The following MCC variants were observed in gnomAD, a reference collection of about 807,000 sequenced individuals.
The protein encoded by MCC is colorectal mutant cancer protein.
A neutral mutation model predicts 116.2 loss-of-function variants in MCC; 90 were observed. The observed-to-expected ratio is 0.77, with a 90% CI of 0.65 to 0.92. The LOEUF (loss-of-function observed/expected upper bound fraction) is 0.92. MCC is among the 40% of genes least tolerant of loss of function. MCC has a pLI of 0.00. For synonymous variants in MCC, 578 were observed against 510.5 expected, an observed-to-expected ratio of 1.13 and a Z score of -1.78; for missense variants, 1,516 against 1,312.2, an observed-to-expected ratio of 1.16 and a Z score of -2.40.
At chr5:113,433,032 A>T (rs1770708605) in intron 1 of MCC, 1 of 152,234 alleles carries the variant, frequency 6.6e-6, no homozygotes, top group South Asian at 2.1e-4. Flanking sequence ...TCCAGTTGCC[A>T]TGCTACTCCT....
At chr5:113,487,583 C>G (rs1457591467) in intron 1 of MCC, among the ~76,000 whole-genome samples, 1 of 152,150 alleles carries the variant, frequency 6.6e-6, no homozygotes, top group African/African-American at 2.4e-5. Flanking sequence ...GGAGCCACGC[C>G]GAAGCTCACC....
intron 3 of MCC, among the ~76,000 whole-genome samples, chr5:113,168,897 G>C (rs919439374): frequency 2.0e-5 from 3 of 152,132 alleles, no homozygotes; most frequent in African/African-American, 7.2e-5. Flanking sequence ...GCAAGCAATA[G>C]CTTAGGCAGG....
In MCC at chr5:113,063,969, A is replaced by G; in HGVS notation, c.2213+15T>C. 6.2e-7 allele frequency: 1 copy of G among 1,606,382 alleles called. No individual in the cohort carries two copies. The highest frequency in any genetic ancestry group is 8.5e-7 in the Non-Finnish European group (1 of 1,176,266). On this transcript the variant is annotated intron_variant, in intron 14 of 18. Transcript: ENST00000408903. ...TGGACACACGCCCACCCCAGAGCAGAAGGCTGAGCATTACCTGGTGTGGCT... is the reference window on the plus strand; with the variant it reads ...TGGACACACGCCCACCCCAGAGCAGGAGGCTGAGCATTACCTGGTGTGGCT...
At chr5:113,228,336 C>A (rs1763822272) in intron 3 of MCC, among the ~76,000 whole-genome samples, 2 of 152,330 alleles carry the variant, frequency 1.3e-5, no homozygotes, top group African/African-American at 4.8e-5. Flanking sequence ...ACCATACACA[C>A]ACACACACCA....
At chr5:113,473,354 T>C (rs866612491) in intron 1 of MCC, among the ~76,000 whole-genome samples, 7 of 151,880 alleles carry the variant, frequency 4.6e-5, no homozygotes, top group South Asian at 4.1e-4. Context: ...TAAGACCCCA[T>C]CTCTAGAAAA....
chr5:113,418,778 A>C (rs1308083779), intron 1 of MCC, among the ~76,000 whole-genome samples: 1 of 152,170 alleles, frequency 6.6e-6, no homozygotes, highest in Non-Finnish European at 1.5e-5. Context: ...AACGTATATG[A>C]ATCTATTACC....
At chr5:113,321,542 G>C (rs1767422489) in intron 3 of MCC, among the ~76,000 whole-genome samples, 1 of 152,220 alleles carries the variant, frequency 6.6e-6, no homozygotes, top group African/African-American at 2.4e-5. Context: ...GTGATGTTCT[G>C]TAGTTAAAAC....
chr5:113,304,410 C>T (rs1163497101), intron 3 of MCC, among the ~76,000 whole-genome samples: 2 of 152,226 alleles, frequency 1.3e-5, no homozygotes, highest in South Asian at 2.1e-4. Flanking sequence ...AAAGCACCCC[C>T]GTGGTGTTTG....
At position 113,024,251 on chromosome 5, in the gene MCC, C is replaced by T. The variant is rs1037597900; in HGVS notation, c.*3051G>A. ...TGCTAGTTAAACATAACATTTGTTT[C>T]AGGCAGCATGGATATTAACTTCAGA... On this transcript the variant is annotated 3_prime_UTR_variant, in exon 19 of 19. Transcript: ENST00000408903. 1 of 152,218 alleles carries T rather than the reference C, an allele frequency of 6.6e-6. No homozygotes were observed. Among genetic ancestry groups the T allele is most frequent in the Non-Finnish European group, 1.5e-5 (1 of 68,034 alleles). 9.4% of individuals were successfully genotyped at this position (152,218 alleles called of 1,614,324 possible). A position where few individuals can be genotyped will look rare whatever the true frequency, so the allele number is the denominator to read the frequency against.
chr5:113,306,077 T>A (rs1766978078), intron 3 of MCC, among the ~76,000 whole-genome samples: 2 of 152,250 alleles, frequency 1.3e-5, no homozygotes, highest in Admixed American at 6.5e-5. Flanking sequence ...TGTATATGTA[T>A]TAATGGTTCA....
chr5:113,081,058 T>C (rs1253848327), intron 11 of MCC, among the ~76,000 whole-genome samples: 1 of 152,170 alleles, frequency 6.6e-6, no homozygotes, highest in Non-Finnish European at 1.5e-5. Flanking sequence ...GAAAACATTT[T>C]GGTGGGTAGG....
intron 2 of MCC, among the ~76,000 whole-genome samples, chr5:113,354,608 T>C (rs1768364402): frequency 1.3e-5 from 2 of 151,838 alleles, no homozygotes; most frequent in African/African-American, 4.8e-5. Context: ...CTAATTTTTG[T>C]ATTTTTAGGA....
chr5:113,341,202 CTCTG>C (rs1251341837), intron 2 of MCC, among the ~76,000 whole-genome samples: 1 of 151,884 alleles, frequency 6.6e-6, no homozygotes, highest in Admixed American at 6.6e-5. Context: ...CTTCCTTCCT[CTCTG>C]TCTCTCTTTC....
chr5:113,407,421 C>T (rs958416924), intron 1 of MCC, among the ~76,000 whole-genome samples: 3 of 152,296 alleles, frequency 2.0e-5, no homozygotes, highest in Middle Eastern at 3.4e-3. Flanking sequence ...CTGAACCTCT[C>T]TCAGTCTCTA....
chr5:113,184,891 A>C (rs910130227), intron 3 of MCC, among the ~76,000 whole-genome samples: 2 of 152,222 alleles, frequency 1.3e-5, no homozygotes, highest in Admixed American at 6.5e-5. Flanking sequence ...TAAAGTACTC[A>C]TGACACACAC....
At chr5:113,238,533 C>A (rs1211696172) in intron 3 of MCC, among the ~76,000 whole-genome samples, 1 of 152,184 alleles carries the variant, frequency 6.6e-6, no homozygotes, top group Non-Finnish European at 1.5e-5. Context: ...TGCTTTACGA[C>A]AGACCCAATT....
chr5:113,167,396 G>A (rs77527278), intron 3 of MCC, among the ~76,000 whole-genome samples: 6,847 of 152,160 alleles, frequency 0.045, 223 homozygotes, highest in Non-Finnish European at 0.057. Context: ...ACACCTGCAG[G>A]GCTGAGGGCT....
chr5:113,385,427 G>A (rs944568883), intron 1 of MCC, among the ~76,000 whole-genome samples: 1 of 152,134 alleles, frequency 6.6e-6, no homozygotes, highest in African/African-American at 2.4e-5. Flanking sequence ...GGAATGGTGA[G>A]GCAACTTTTA....
chr5:113,105,475 C>A (rs1175760403), intron 6 of MCC, among the ~76,000 whole-genome samples: 2 of 152,192 alleles, frequency 1.3e-5, no homozygotes, highest in African/African-American at 4.8e-5. Flanking sequence ...GGCTTTCACT[C>A]CAACCAATAC....
Sources: allele counts gnomAD v4.1 joint callset (sites outside exome capture counted in the v4.1 genomes callset), GRCh38; gene constraint gnomAD v4.1.1; transcripts MANE v1.5; gene names NCBI Gene and HGNC (gene_info 2026-07-23, HGNC 2026-07-21).